Variants in NPAS2 observed in about 807,000 individuals in gnomAD.
NPAS2 encodes neuronal PAS domain protein 2, also known as neuronal PAS domain-containing protein 2.
A neutral mutation model predicts 107.5 loss-of-function variants in NPAS2; 23 were observed. The observed-to-expected ratio is 0.21, with a 90% confidence interval of 0.15 to 0.30. The LOEUF is 0.30. NPAS2 is among the 10% of genes least tolerant of loss of function. The probability of loss-of-function intolerance (pLI) is 1.00; values close to 1 mark genes in which losing one functional copy is unlikely to be tolerated. For missense variants in NPAS2, 756 were observed against 1,043.3 expected (o/e 0.72, Z 3.79); for synonymous variants, 403 against 417.5 (o/e 0.97, Z 0.42).
At chr2:100,863,835 A>G (rs1679086079) in intron 1 of NPAS2, among the ~76,000 whole-genome samples, 1 of 152,012 alleles carries the variant, frequency 6.6e-6, no homozygotes, top group Admixed American at 6.6e-5. Flanking sequence ...CTTGCATTCC[A>G]CTTTGTAGTG....
chr2:100,989,426 T>A (rs1677981898), intron 17 of NPAS2: 1 of 152,198 alleles, frequency 6.6e-6, no homozygotes, highest in South Asian at 2.1e-4. Context: ...GCCTTTTGAT[T>A]TAAAAGGTCA....
intron 1 of NPAS2, among the ~76,000 whole-genome samples, chr2:100,851,031 A>G (rs769978615): frequency 6.9e-4 from 104 of 151,532 alleles, no homozygotes; most frequent in Middle Eastern, 3.4e-3. Context: ...TGAGGACACT[A>G]TGCTAAGTGA....
intron 17 of NPAS2, 121 bp from the exon 18 acceptor site, chr2:100,990,135 G>A (rs1048499002): frequency 1.2e-6 from 1 of 809,730 alleles, no homozygotes; most frequent in African/African-American, 1.7e-5. Flanking sequence ...CAGTAGTTGG[G>A]AGGTTCTGAT....
At chr2:100,888,491 G>A (rs1049868143) in intron 1 of NPAS2, among the ~76,000 whole-genome samples, 2 of 152,172 alleles carry the variant, frequency 1.3e-5, no homozygotes, top group African/African-American at 2.4e-5. Flanking sequence ...GGGTTTGAAT[G>A]CTACGATATG....
chr2:100,900,423 CA>C (rs1371322800), intron 1 of NPAS2, among the ~76,000 whole-genome samples: 1 of 152,148 alleles, frequency 6.6e-6, no homozygotes, highest in Non-Finnish European at 1.5e-5. Context: ...AGAAATATTA[CA>C]TGTTAGAATG....
At chr2:100,878,646 T>G (rs1314500803) in intron 1 of NPAS2, 1 of 985,004 alleles carries the variant, frequency 1.0e-6, no homozygotes, top group Non-Finnish European at 1.2e-6. Flanking sequence ...AACTTTGCGG[T>G]TTTGTTTCAA....
chr2:100,857,407 G>A (rs1452489692), intron 1 of NPAS2, among the ~76,000 whole-genome samples: 1 of 152,168 alleles, frequency 6.6e-6, no homozygotes, highest in African/African-American at 2.4e-5. Context: ...CAGGGACATG[G>A]AAATAAAAAG....
chr2:100,949,881 G>A (rs952529808), intron 7 of NPAS2, among the ~76,000 whole-genome samples: 4 of 152,168 alleles, frequency 2.6e-5, no homozygotes, highest in Non-Finnish European at 4.4e-5. Flanking sequence ...TGTCATGAGC[G>A]TATTTTAGTA....
intron 1 of NPAS2, among the ~76,000 whole-genome samples, chr2:100,863,890 T>C (rs945491622): frequency 6.6e-6 from 1 of 152,204 alleles, no homozygotes; most frequent in African/African-American, 2.4e-5. Flanking sequence ...ATGGACAGTG[T>C]CCTCCATCAG....
chr2:100,914,916 A>T (rs1421506852), intron 2 of NPAS2, among the ~76,000 whole-genome samples: 1 of 152,112 alleles, frequency 6.6e-6, no homozygotes. Flanking sequence ...ACCAGCAGCG[A>T]GTTCACCATT....
intron 1 of NPAS2, among the ~76,000 whole-genome samples, chr2:100,886,232 G>T (rs924201449): frequency 1.3e-5 from 2 of 152,122 alleles, no homozygotes; most frequent in African/African-American, 4.8e-5. Flanking sequence ...CAAGCCACTC[G>T]CACATTTAAA....
chr2:100,992,063 G>A (rs1678166897), intron 19 of NPAS2, among the ~76,000 whole-genome samples: 1 of 152,218 alleles, frequency 6.6e-6, no homozygotes, highest in Non-Finnish European at 1.5e-5. Context: ...CATTAGGTGG[G>A]AGGAAGTGGG....
intron 5 of NPAS2, among the ~76,000 whole-genome samples, chr2:100,947,419 C>T (rs1674966133): frequency 6.6e-6 from 1 of 152,048 alleles, no homozygotes; most frequent in Non-Finnish European, 1.5e-5. Flanking sequence ...GCCATGGTGG[C>T]AAACACCTGT....
chr2:100,983,181 G>A (rs1677567252), intron 16 of NPAS2: 1 of 152,136 alleles, frequency 6.6e-6, no homozygotes, highest in Admixed American at 6.6e-5. Context: ...CCCTTAGAAG[G>A]GACAGAAAGA....
rs115992841 is a variant in NPAS2 at position 100,923,155 on chromosome 2, C to T, written c.33-1991C>T. 2.3e-3 allele frequency among the ~76,000 whole-genome samples: 349 copies of T among 152,304 alleles called. 3 individuals are homozygous for T. The highest frequency in any genetic ancestry group is 8.1e-3 in the African/African-American group (337 of 41,554). On this transcript the variant is annotated intron_variant, in intron 2 of 20. Transcript: ENST00000335681. The stretch of plus-strand genomic sequence containing the variant: ...ACTCCGCAACATCTTGCTGCCACGC[C>T]TGCAGTTAGTGTGTGATGTGAGAGA...
intron 1 of NPAS2, chr2:100,878,136 C>G: frequency 1.0e-6 from 1 of 985,352 alleles, no homozygotes; most frequent in Non-Finnish European, 1.2e-6. Context: ...GACAAGCAGC[C>G]TGTGACAGAA....
Position 100,861,055 on chromosome 2 carries a change from C to T in NPAS2, c.-23+40641C>T, listed in dbSNP as rs145456219. On this transcript the variant is annotated intron_variant, in intron 1 of 20. Coordinates refer to ENST00000335681, the MANE Select transcript of NPAS2 (RefSeq NM_002518.4). ...AGCTAATTTTTTTTTTTTTTGAAGA[C>T]GAGGTCTCACTTTGTTGCCCAGGCT... is the stretch of plus-strand genomic sequence containing the variant. Among the ~76,000 whole-genome samples, 900 of 149,104 alleles carry T rather than the reference C, an allele frequency of 6.0e-3. 6 individuals carry two copies. Among genetic ancestry groups the T allele is most frequent in the Non-Finnish European group, 0.01 (693 of 67,568 alleles).
chr2:100,983,988 A>G (rs566372245), intron 16 of NPAS2: 1 of 152,382 alleles, frequency 6.6e-6, no homozygotes, highest in African/African-American at 2.4e-5. Context: ...TCTGAATTTT[A>G]AAATAACAGG....
chr2:100,892,879 G>A (rs903387623), intron 1 of NPAS2, among the ~76,000 whole-genome samples: 18 of 152,032 alleles, frequency 1.2e-4, no homozygotes, highest in African/African-American at 4.1e-4. Context: ...CAACACACCC[G>A]GCTAATTTTT....
Sources: gnomAD v4.1 joint callset for allele counts (sites outside exome capture counted in the v4.1 genomes callset) on GRCh38, gnomAD v4.1.1 for gene constraint, MANE v1.5 for transcripts, NCBI Gene and HGNC (gene_info 2026-07-23, HGNC 2026-07-21) for gene names.